Variants in PRKG1 observed in about 807,000 individuals in gnomAD.
PRKG1 encodes the protein protein kinase cGMP-dependent 1.
PRKG1 carries 35 observed loss-of-function variants against 88.1 expected under a neutral mutation model. That is an observed-to-expected ratio of 0.40 (90% CI 0.30 to 0.53). The LOEUF is 0.53. PRKG1 is among the 20% of genes least tolerant of loss of function. The pLI is 0.59. For missense variants in PRKG1, 540 were observed against 839.8 expected, an observed-to-expected ratio of 0.64 and a Z score of 4.41; for synonymous variants, 303 against 292.5, an observed-to-expected ratio of 1.04 and a Z score of -0.37.
At chr10:51,474,049 G>A (rs552593217) in intron 3 of PRKG1, among the ~76,000 whole-genome samples, 1 of 152,056 alleles carries the variant, frequency 6.6e-6, no homozygotes, top group South Asian at 2.1e-4. Flanking sequence ...AATTCCTAAT[G>A]AATGTTTCCA....
At chr10:51,115,051 C>T (rs994840553) in intron 1 of PRKG1, among the ~76,000 whole-genome samples, 3 of 151,952 alleles carry the variant, frequency 2.0e-5, no homozygotes, top group Non-Finnish European at 1.5e-5. Flanking sequence ...TGCAGTGGCT[C>T]ATGTCTGTAA....
intron 17 of PRKG1, among the ~76,000 whole-genome samples, chr10:52,290,928 T>A (rs12252206): frequency 0.098 from 14,485 of 147,864 alleles, 1,076 homozygotes; most frequent in African/African-American, 0.21. Context: ...TTTTTTTTTT[T>A]AATTTTTTTT....
At chr10:52,200,948 T>C (rs1258999801) in intron 9 of PRKG1, among the ~76,000 whole-genome samples, 1 of 152,212 alleles carries the variant, frequency 6.6e-6, no homozygotes, top group Non-Finnish European at 1.5e-5. Context: ...AGATTCTAGA[T>C]ATTAGCTCTT....
chr10:51,391,829 T>G (rs538139146), intron 2 of PRKG1, among the ~76,000 whole-genome samples: 1 of 152,310 alleles, frequency 6.6e-6, no homozygotes, highest in East Asian at 1.9e-4. Context: ...TTATACGAGG[T>G]GGTGTTTTCA....
At chr10:51,744,650 G>A (rs112084577) in intron 3 of PRKG1, among the ~76,000 whole-genome samples, 14 of 152,300 alleles carry the variant, frequency 9.2e-5, no homozygotes, top group South Asian at 2.1e-4. Flanking sequence ...GAATAGATGC[G>A]TTTTTGTTTT....
At chr10:51,004,213 C>T (rs1457941678) in intron 1 of PRKG1, among the ~76,000 whole-genome samples, 1 of 152,054 alleles carries the variant, frequency 6.6e-6, no homozygotes, top group Admixed American at 6.6e-5. Context: ...CCTATAATAC[C>T]AGCACTTTGG....
intron 2 of PRKG1, among the ~76,000 whole-genome samples, chr10:51,214,897 A>G (rs1838331255): frequency 6.6e-6 from 1 of 152,206 alleles, no homozygotes; most frequent in South Asian, 2.1e-4. Context: ...AGAAACCCAC[A>G]GAAGACTCAC....
intron 2 of PRKG1, among the ~76,000 whole-genome samples, chr10:51,349,862 T>A (rs1302430503): frequency 6.6e-6 from 1 of 151,940 alleles, no homozygotes; most frequent in East Asian, 1.9e-4. Context: ...CTCAGTGGAG[T>A]ACCAAGAAAT....
At chr10:51,033,427 G>A (rs1194553525) in intron 1 of PRKG1, among the ~76,000 whole-genome samples, 1 of 152,156 alleles carries the variant, frequency 6.6e-6, no homozygotes, top group African/African-American at 2.4e-5. Flanking sequence ...CGTAAGTGAT[G>A]GAGCCACAAT....
chr10:51,310,085 A>G (rs1841144387), intron 2 of PRKG1, among the ~76,000 whole-genome samples: 1 of 152,150 alleles, frequency 6.6e-6, no homozygotes, highest in Admixed American at 6.5e-5. Flanking sequence ...GGCATTGGAG[A>G]CTAAAAGGTG....
chr10:52,133,207 G>A (rs17562565), intron 7 of PRKG1, among the ~76,000 whole-genome samples: 25,654 of 152,016 alleles, frequency 0.17, 2,572 homozygotes, highest in South Asian at 0.28. Flanking sequence ...AGGTTTAAGA[G>A]ATTGATAGAT....
At chr10:52,091,835 T>C (rs1010796264) in intron 7 of PRKG1, among the ~76,000 whole-genome samples, 1 of 152,214 alleles carries the variant, frequency 6.6e-6, no homozygotes, top group Non-Finnish European at 1.5e-5. Flanking sequence ...CAAACCTTAA[T>C]GCACATTCAT....
At chr10:51,895,423 C>T (rs1841819245) in intron 4 of PRKG1, among the ~76,000 whole-genome samples, 1 of 152,108 alleles carries the variant, frequency 6.6e-6, no homozygotes, top group South Asian at 2.1e-4. Flanking sequence ...CCTGAGCTCA[C>T]TTCCAGTATC....
At chr10:52,175,047 G>A (rs986609464) in intron 9 of PRKG1, among the ~76,000 whole-genome samples, 6 of 152,038 alleles carry the variant, frequency 3.9e-5, no homozygotes, top group South Asian at 4.2e-4. Flanking sequence ...CATTAACTGT[G>A]TCATCCTACA....
chr10:51,352,934 C>A (rs375280242), intron 2 of PRKG1, among the ~76,000 whole-genome samples: 2 of 151,618 alleles, frequency 1.3e-5, no homozygotes, highest in African/African-American at 2.4e-5. Context: ...ACAACAACAA[C>A]AAAATAAAAC....
intron 1 of PRKG1, among the ~76,000 whole-genome samples, chr10:51,136,574 A>AGT (rs1223705035): frequency 2.6e-5 from 2 of 78,088 alleles, no homozygotes; most frequent in African/African-American, 5.1e-5. Flanking sequence ...TAGAGTTTTT[A>AGT]GTGTGTGTGT....
At chr10:51,777,760 C>T (rs992371771) in intron 3 of PRKG1, among the ~76,000 whole-genome samples, 1 of 152,066 alleles carries the variant, frequency 6.6e-6, no homozygotes, top group Admixed American at 6.6e-5. Flanking sequence ...TTCTCTGAGC[C>T]CTGTCTTTTC....
At chr10:51,937,562 A>C (rs1006576534) in intron 5 of PRKG1, among the ~76,000 whole-genome samples, 1 of 152,098 alleles carries the variant, frequency 6.6e-6, no homozygotes, top group African/African-American at 2.4e-5. Flanking sequence ...TGTACATACC[A>C]TCTGTATTCA....
intron 2 of PRKG1, among the ~76,000 whole-genome samples, chr10:51,257,353 T>G (rs572163661): frequency 6.6e-6 from 1 of 152,268 alleles, no homozygotes; most frequent in South Asian, 2.1e-4. Context: ...AAATCATGTG[T>G]GGGTCAGAGA....
Sources: gnomAD v4.1 joint callset for allele counts (sites outside exome capture counted in the v4.1 genomes callset) on GRCh38, gnomAD v4.1.1 for gene constraint, MANE v1.5 for transcripts, NCBI Gene and HGNC (gene_info 2026-07-23, HGNC 2026-07-21) for gene names.